Variants in CACNA2D3 observed in about 807,000 individuals in gnomAD.
CACNA2D3 encodes calcium voltage-gated channel auxiliary subunit alpha2delta 3, also known as voltage-dependent calcium channel subunit alpha-2/delta-3.
A neutral mutation model predicts 160.6 loss-of-function variants in CACNA2D3; 60 were observed. The observed-to-expected ratio is 0.37, with a 90% CI of 0.30 to 0.46. CACNA2D3 has a LOEUF of 0.46. CACNA2D3 is among the 20% of genes least tolerant of loss of function. The pLI, the probability that CACNA2D3 is intolerant of heterozygous loss-of-function variation, is 1.00. For synonymous variants in CACNA2D3, 558 were observed against 492.9 expected (o/e 1.13, Z -1.75); for missense variants, 1,205 against 1,365.0 (o/e 0.88, Z 1.85).
intron 13 of CACNA2D3, among the ~76,000 whole-genome samples, chr3:54,778,391 C>T (rs778078216): frequency 7.2e-5 from 11 of 152,130 alleles, no homozygotes; most frequent in Non-Finnish European, 1.3e-4. Context: ...TTCTCTCACA[C>T]CGAGACCACT....
At chr3:54,970,960 A>G (rs568410664) in intron 29 of CACNA2D3, among the ~76,000 whole-genome samples, 4 of 152,270 alleles carry the variant, frequency 2.6e-5, no homozygotes, top group Admixed American at 2.6e-4. Context: ...CAGAAAACAT[A>G]GATTAGGAAG....
chr3:55,063,968 T>G (rs545309192), intron 35 of CACNA2D3, among the ~76,000 whole-genome samples: 27 of 152,348 alleles, frequency 1.8e-4, no homozygotes, highest in African/African-American at 6.5e-4. Context: ...AAGGTAAAAC[T>G]TTTTCCTTCT....
chr3:54,452,683 T>C (rs1464588478), intron 4 of CACNA2D3, among the ~76,000 whole-genome samples: 1 of 152,200 alleles, frequency 6.6e-6, no homozygotes, highest in African/African-American at 2.4e-5. Flanking sequence ...TTCCCAGGGC[T>C]TCTGTAACAA....
chr3:54,646,726 T>C (rs1344148215), intron 11 of CACNA2D3, among the ~76,000 whole-genome samples: 1 of 152,178 alleles, frequency 6.6e-6, no homozygotes, highest in Non-Finnish European at 1.5e-5. Flanking sequence ...TACACATGCA[T>C]GTTATCTTTA....
chr3:54,389,339 A>G (rs1699242158), intron 4 of CACNA2D3, among the ~76,000 whole-genome samples: 1 of 152,086 alleles, frequency 6.6e-6, no homozygotes, highest in South Asian at 2.1e-4. Context: ...CTTAGAAGGC[A>G]ACTAATGCAT....
At chr3:54,934,194 A>G (rs1701273507) in intron 27 of CACNA2D3, among the ~76,000 whole-genome samples, 1 of 152,246 alleles carries the variant, frequency 6.6e-6, no homozygotes. Flanking sequence ...GTTTAGGACA[A>G]TATTAAGGGA....
intron 27 of CACNA2D3, among the ~76,000 whole-genome samples, chr3:54,944,829 G>GTGTGTGTGTT (rs1559640188): frequency 6.6e-6 from 1 of 152,090 alleles, no homozygotes; most frequent in Non-Finnish European, 1.5e-5. Flanking sequence ...GTGTGTGTGT[G>GTGTGTGTGTT]TGTGTGTGTG....
At chr3:54,956,400 C>T (rs902067599) in intron 27 of CACNA2D3, among the ~76,000 whole-genome samples, 2 of 152,204 alleles carry the variant, frequency 1.3e-5, no homozygotes, top group African/African-American at 4.8e-5. Context: ...GTCAGGCTAT[C>T]CCCAGAATAA....
At chr3:54,549,217 C>T (rs906897814) in intron 5 of CACNA2D3, among the ~76,000 whole-genome samples, 13 of 152,112 alleles carry the variant, frequency 8.5e-5, no homozygotes, top group Non-Finnish European at 1.3e-4. Flanking sequence ...GAGACCGAGG[C>T]GGGCGGATCA....
chr3:54,856,850 G>A (rs1699183393), intron 17 of CACNA2D3, among the ~76,000 whole-genome samples: 2 of 152,052 alleles, frequency 1.3e-5, no homozygotes, highest in South Asian at 2.1e-4. Context: ...GCACAATCTC[G>A]GCTCACTGCA....
In CACNA2D3 at chr3:54,186,110, A is replaced by G. The variant is rs755483107; in HGVS notation, c.204+62516A>G. On this transcript the variant is annotated intron_variant, in intron 2 of 37. Transcript: ENST00000474759. ...GCTCTTGGAGGGCAGAGACCTTATTACTAGTCTGTATCTCCAGCCCTGAGG... is the reference window on the plus strand; with the variant it reads ...GCTCTTGGAGGGCAGAGACCTTATTGCTAGTCTGTATCTCCAGCCCTGAGG... Among the ~76,000 whole-genome samples the G allele has an allele frequency of 3.9e-5, 6 of 152,130 alleles. No homozygotes were observed. In the South Asian group the frequency reaches 1.2e-3, roughly 32 times the overall value.
At chr3:54,835,222 C>A (rs1698653734) in intron 14 of CACNA2D3, among the ~76,000 whole-genome samples, 1 of 152,200 alleles carries the variant, frequency 6.6e-6, no homozygotes, top group Non-Finnish European at 1.5e-5. Context: ...ATGGCCCCCT[C>A]CACCCCTGTT....
chr3:54,765,217 A>G (rs1208331436), intron 13 of CACNA2D3, among the ~76,000 whole-genome samples: 1 of 152,100 alleles, frequency 6.6e-6, no homozygotes, highest in Non-Finnish European at 1.5e-5. Context: ...TCTGGCAGCT[A>G]CAGGCAAACT....
intron 29 of CACNA2D3, among the ~76,000 whole-genome samples, chr3:54,980,254 A>AT (rs970014228): frequency 5.3e-5 from 8 of 152,290 alleles, no homozygotes; most frequent in Middle Eastern, 3.4e-3. Context: ...AACCCTTTAC[A>AT]TTTTTTTGTG....
chr3:54,648,796 C>T (rs754422514), intron 11 of CACNA2D3, among the ~76,000 whole-genome samples: 10 of 152,014 alleles, frequency 6.6e-5, no homozygotes, highest in Non-Finnish European at 1.5e-4. Flanking sequence ...GAAGGAGGAG[C>T]AGGTATGTCA....
intron 27 of CACNA2D3, among the ~76,000 whole-genome samples, chr3:54,952,810 C>A (rs772228508): frequency 1.3e-5 from 2 of 152,142 alleles, no homozygotes; most frequent in Non-Finnish European, 2.9e-5. Context: ...ATGACAATAT[C>A]TATCTATGAG....
chr3:54,680,422 T>A (rs1700320447), intron 11 of CACNA2D3, among the ~76,000 whole-genome samples: 2 of 152,248 alleles, frequency 1.3e-5, no homozygotes, highest in South Asian at 4.1e-4. Flanking sequence ...TGAATTTTTA[T>A]GTAGCTTTCA....
intron 27 of CACNA2D3, among the ~76,000 whole-genome samples, chr3:54,933,535 C>T (rs569955010): frequency 2.0e-5 from 3 of 152,318 alleles, no homozygotes; most frequent in South Asian, 4.1e-4. Flanking sequence ...GCAAGAGATG[C>T]TGGGAAATGT....
intron 5 of CACNA2D3, among the ~76,000 whole-genome samples, chr3:54,540,446 T>C (rs892101764): frequency 1.3e-5 from 2 of 152,256 alleles, no homozygotes; most frequent in African/African-American, 4.8e-5. Flanking sequence ...GAATTTGATA[T>C]TATTTTTCAG....
Sources: gnomAD v4.1 joint callset for allele counts (sites outside exome capture counted in the v4.1 genomes callset) on GRCh38, gnomAD v4.1.1 for gene constraint, MANE v1.5 for transcripts, NCBI Gene and HGNC (gene_info 2026-07-23, HGNC 2026-07-21) for gene names.